Variants in RTF2 observed in about 807,000 individuals in gnomAD.
The protein encoded by RTF2 is replication termination factor 2, also known as UPF0549 protein C20orf43.
RTF2 carries 18 observed loss-of-function variants against 38.0 expected under a neutral mutation model. The observed-to-expected ratio is 0.47, with a 90% CI of 0.33 to 0.70. The LOEUF (loss-of-function observed/expected upper bound fraction) is 0.70. Among genes scored for constraint, RTF2 ranks in the 30% least tolerant of loss-of-function variants. The probability of loss-of-function intolerance (pLI) is 0.02; values close to 1 mark genes in which losing one functional copy is unlikely to be tolerated. For missense variants in RTF2, 311 were observed against 379.6 expected (o/e 0.82, Z 1.50); for synonymous variants, 126 against 137.1 (o/e 0.92, Z 0.57).
chr20:56,487,673 G>A (rs1303678451), intron 5 of RTF2, among the ~76,000 whole-genome samples: 4 of 152,226 alleles, frequency 2.6e-5, no homozygotes, highest in Admixed American at 6.5e-5. Context: ...TGGGGCTGCT[G>A]TAATTAAGTA....
chr20:56,492,063 C>T (rs191297524), intron 5 of RTF2, among the ~76,000 whole-genome samples: 320 of 152,194 alleles, frequency 2.1e-3, no homozygotes, highest in African/African-American at 4.7e-3. Flanking sequence ...CACGCGCACA[C>T]GAGAGATAAG....
rs10852 is a variant in RTF2, at chr20:56,518,717, C to G, written c.*452C>G. 1 of 153,208 alleles carries G rather than the reference C, an allele frequency of 6.5e-6. No individual in the cohort carries two copies. The highest frequency in any genetic ancestry group is 1.5e-5 in the Non-Finnish European group (1 of 68,840). The allele number at this position is 153,208 out of a possible 1,614,324, so 9.5% of individuals were successfully genotyped here. A position where few individuals can be genotyped will look rare whatever the true frequency, so the allele number is the denominator to read the frequency against. On this transcript the variant is annotated 3_prime_UTR_variant, in exon 9 of 9. Transcript: ENST00000357348. ...AATACACTGTGCCCACTAGAAGCTT[C>G]GAAGGGCCTCGTCCCTCTGCTACAG...
chr20:56,479,771 C>T lies in RTF2; in HGVS notation c.398+2647C>T, dbSNP rs867042963. ...TTGTACATCTCCATCAGAGCTCTTG[C>T]GTGACCTAGGTGCATTATCAATGAG... is the stretch of plus-strand genomic sequence containing the variant. On this transcript the variant is annotated intron_variant, in intron 4 of 8. Coordinates refer to ENST00000357348, the MANE Select transcript of RTF2 (RefSeq NM_016407.5). 2.0e-5 allele frequency among the ~76,000 whole-genome samples: 3 copies of T among 151,606 alleles called. No homozygotes were observed. In the East Asian group the frequency reaches 5.8e-4, roughly 29 times the overall value.
intron 5 of RTF2, among the ~76,000 whole-genome samples, chr20:56,499,157 A>G (rs932754647): frequency 6.6e-6 from 1 of 151,722 alleles, no homozygotes; most frequent in African/African-American, 2.4e-5. Context: ...CTTACAGCCT[A>G]ATTTAAAGAC....
At chr20:56,495,752 A>G (rs1350433442) in intron 5 of RTF2, among the ~76,000 whole-genome samples, 3 of 152,184 alleles carry the variant, frequency 2.0e-5, no homozygotes, top group Non-Finnish European at 4.4e-5. Context: ...CTCATCGTAC[A>G]CCACTGTCTA....
intron 5 of RTF2, among the ~76,000 whole-genome samples, chr20:56,498,951 C>T (rs1185714373): frequency 6.6e-6 from 1 of 152,096 alleles, no homozygotes; most frequent in African/African-American, 2.4e-5. Flanking sequence ...TTTAGTTATC[C>T]TTGTGTTCTT....
chr20:56,472,513 A>G, intron 1 of RTF2: 2 of 643,212 alleles, frequency 3.1e-6, no homozygotes, highest in Non-Finnish European at 5.6e-6. Flanking sequence ...ATAAGCCCCA[A>G]AACACTTATT....
At position 56,518,313 on chromosome 20, in the gene RTF2, C is replaced by T. The variant is rs535290351; in HGVS notation, c.*48C>T. 18 of 1,562,652 alleles carry T rather than the reference C, an allele frequency of 1.2e-5. No individual in the cohort carries two copies. Among genetic ancestry groups the T allele is most frequent in the Non-Finnish European group, 1.0e-5 (12 of 1,151,018 alleles). On this transcript the variant is annotated 3_prime_UTR_variant, in exon 9 of 9. Transcript: ENST00000357348. Reference sequence around the variant, plus strand: ...GCCCCAGAAGGTTGTTTAGTTTCCACGTAGGCAGGTCGCTTTGTGCCTCTG... The same window carrying T: ...GCCCCAGAAGGTTGTTTAGTTTCCATGTAGGCAGGTCGCTTTGTGCCTCTG...
intron 1 of RTF2, among the ~76,000 whole-genome samples, chr20:56,471,201 G>T (rs1217195329): frequency 6.6e-6 from 1 of 152,198 alleles, no homozygotes; most frequent in Non-Finnish European, 1.5e-5. Context: ...GAATTGGTTG[G>T]TGTGGGGAAA....
intron 5 of RTF2, chr20:56,497,446 C>T (rs561930991): frequency 4.8e-5 from 73 of 1,534,618 alleles, no homozygotes; most frequent in Non-Finnish European, 4.8e-5. Flanking sequence ...TCAAATAAAG[C>T]GGAACACAGT....
At chr20:56,500,739 A>C (rs1179840510) in intron 5 of RTF2, among the ~76,000 whole-genome samples, 1 of 152,172 alleles carries the variant, frequency 6.6e-6, no homozygotes, top group African/African-American at 2.4e-5. Context: ...TGCCCTGCTG[A>C]GTGGGAACCA....
At chr20:56,491,723 G>A (rs527575581) in intron 5 of RTF2, 35 of 1,552,102 alleles carry the variant, frequency 2.3e-5, no homozygotes, top group Non-Finnish European at 2.8e-5. Flanking sequence ...CAGAGAAGGC[G>A]ACTGAATGAG....
chr20:56,495,268 A>G (rs1308041097), intron 5 of RTF2: 1 of 1,551,336 alleles, frequency 6.4e-7, no homozygotes, highest in Admixed American at 2.0e-5. Flanking sequence ...TTTCCTTCCC[A>G]GCCAGCGTTT....
In RTF2 at chr20:56,518,321, G is replaced by C; in HGVS notation, c.*56G>C. The C allele has an allele frequency of 1.3e-6, 2 of 1,542,806 alleles. No homozygotes were observed. The highest frequency in any genetic ancestry group is 1.9e-5 in the Admixed American group (1 of 52,488). ...AGGTTGTTTAGTTTCCACGTAGGCA[G>C]GTCGCTTTGTGCCTCTGAGTGCGCT... On this transcript the variant is annotated 3_prime_UTR_variant, in exon 9 of 9. Transcript: ENST00000357348.
chr20:56,497,318 G>A, intron 5 of RTF2: 1 of 1,550,608 alleles, frequency 6.4e-7, no homozygotes. Context: ...GTCTGGTTAT[G>A]AAATGCAGCC....
At chr20:56,512,602 T>C (rs140692981) in intron 5 of RTF2, among the ~76,000 whole-genome samples, 186 of 152,282 alleles carry the variant, frequency 1.2e-3, no homozygotes, top group African/African-American at 4.3e-3. Context: ...CGCAGTCTTG[T>C]TCTGCCGGGG....
intron 5 of RTF2, among the ~76,000 whole-genome samples, chr20:56,492,360 G>GAGCC (rs1983211214): frequency 6.7e-6 from 1 of 150,268 alleles, no homozygotes. Context: ...TTACAGGTGT[G>GAGCC]AGCCACTGTG....
chr20:56,487,607 A>T (rs1160082477), intron 5 of RTF2, among the ~76,000 whole-genome samples: 1 of 152,200 alleles, frequency 6.6e-6, no homozygotes, highest in Non-Finnish European at 1.5e-5. Context: ...TTACTTTTAT[A>T]CTGTACATCA....
chr20:56,472,767 A>G (rs1568690476), intron 1 of RTF2, among the ~76,000 whole-genome samples: 2 of 152,046 alleles, frequency 1.3e-5, no homozygotes, highest in Non-Finnish European at 2.9e-5. Context: ...ATAATTTTAT[A>G]TAATCTTCTT....
Sources: gnomAD v4.1 joint callset for allele counts (sites outside exome capture counted in the v4.1 genomes callset) on GRCh38, gnomAD v4.1.1 for gene constraint, MANE v1.5 for transcripts, NCBI Gene and HGNC (gene_info 2026-07-23, HGNC 2026-07-21) for gene names.